NELL1: variants seen among roughly 807,000 people sequenced by gnomAD.
The protein encoded by NELL1 is neural EGFL like 1.
In NELL1, 76 loss-of-function variants were observed where a neutral mutation model predicts 107.4. The ratio of observed to expected loss-of-function variants is 0.71; its 90% CI spans 0.59 to 0.86. NELL1 has a LOEUF of 0.86. Among genes scored for constraint, NELL1 ranks in the 40% least tolerant of loss-of-function variants. The pLI is 0.00. For synonymous variants in NELL1, 353 were observed against 341.2 expected (o/e 1.03, Z -0.38); for missense variants, 1,024 against 1,005.5 (o/e 1.02, Z -0.25).
intron 13 of NELL1, among the ~76,000 whole-genome samples, chr11:21,171,544 A>G (rs992340089): frequency 6.6e-6 from 1 of 151,694 alleles, no homozygotes; most frequent in Admixed American, 6.6e-5. Flanking sequence ...GATTTTCTCT[A>G]TTTTCGGATA....
intron 14 of NELL1, among the ~76,000 whole-genome samples, chr11:21,367,644 A>G (rs1229255025): frequency 6.6e-6 from 1 of 152,114 alleles, no homozygotes; most frequent in Non-Finnish European, 1.5e-5. Context: ...AGCACATTCC[A>G]TTGGCTGTGC....
chr11:20,840,901 G>A (rs898571571), intron 3 of NELL1, among the ~76,000 whole-genome samples: 2 of 152,182 alleles, frequency 1.3e-5, no homozygotes, highest in African/African-American at 4.8e-5. Context: ...GGTTATCTGT[G>A]ATACACAGGA....
intron 13 of NELL1, among the ~76,000 whole-genome samples, chr11:21,200,787 A>T (rs1186405610): frequency 6.6e-6 from 1 of 152,172 alleles, no homozygotes; most frequent in African/African-American, 2.4e-5. Flanking sequence ...TAAGTCTTTA[A>T]TCCATCTTGA....
intron 12 of NELL1, among the ~76,000 whole-genome samples, chr11:21,000,625 A>G (rs560905055): frequency 3.3e-5 from 5 of 152,328 alleles, no homozygotes; most frequent in East Asian, 1.9e-4. Flanking sequence ...AATGCCTCCA[A>G]TTTATCTCAA....
intron 11 of NELL1, among the ~76,000 whole-genome samples, chr11:20,955,297 A>G (rs1851148268): frequency 6.6e-6 from 1 of 152,194 alleles, no homozygotes; most frequent in Non-Finnish European, 1.5e-5. Flanking sequence ...AACAGGTCAT[A>G]AGTAGTGAGG....
rs146808066 is a variant in NELL1 at position 20,732,773 on chromosome 11, A to G, written c.185-50907A>G. Among the ~76,000 whole-genome samples the G allele has an allele frequency of 8.2e-3, 1,246 of 152,288 alleles. 15 individuals carry two copies. The highest frequency in any genetic ancestry group is 0.029 in the African/African-American group (1,196 of 41,556). ...AAGTTAGGTTAGAGCTTAGCTGTACAAAGTTTTAAGTACCCGGTTTTGGAG... is the reference window on the plus strand; with the variant it reads ...AAGTTAGGTTAGAGCTTAGCTGTACGAAGTTTTAAGTACCCGGTTTTGGAG... On this transcript the variant is annotated intron_variant, in intron 2 of 19. Coordinates refer to ENST00000357134, the MANE Select transcript of NELL1 (RefSeq NM_006157.5).
At chr11:20,759,293 C>T (rs1316533514) in intron 2 of NELL1, among the ~76,000 whole-genome samples, 1 of 152,188 alleles carries the variant, frequency 6.6e-6, no homozygotes, top group East Asian at 1.9e-4. Context: ...CTTGGCTCAA[C>T]ACTCTCCTAT....
chr11:20,725,844 C>G (rs1325086369), intron 2 of NELL1, among the ~76,000 whole-genome samples: 3 of 152,234 alleles, frequency 2.0e-5, no homozygotes, highest in Admixed American at 6.5e-5. Context: ...TATGAATGAT[C>G]CCATCATCCA....
At chr11:20,919,634 G>A (rs1275019371) in intron 7 of NELL1, among the ~76,000 whole-genome samples, 1 of 152,026 alleles carries the variant, frequency 6.6e-6, no homozygotes, top group African/African-American at 2.4e-5. Context: ...TATTAAAGTA[G>A]TAACACTGTA....
chr11:21,031,423 C>T lies in NELL1; in HGVS notation c.1300+70863C>T, dbSNP rs117129677. Among the ~76,000 whole-genome samples the T allele has an allele frequency of 1.5e-3, 231 of 152,258 alleles. 6 individuals are homozygous for T. The East Asian group carries it at 0.037, about 25-fold the overall frequency. ...TTTATTGACAGATGCAAGGTAGCAGCATTGTGCACTGTAAGAAATTGTATC... is the reference window on the plus strand; with the variant it reads ...TTTATTGACAGATGCAAGGTAGCAGTATTGTGCACTGTAAGAAATTGTATC... On this transcript the variant is annotated intron_variant, in intron 12 of 19. Transcript: ENST00000357134.
chr11:20,869,999 T>C (rs1849166519), intron 4 of NELL1, among the ~76,000 whole-genome samples: 1 of 152,112 alleles, frequency 6.6e-6, no homozygotes, highest in African/African-American at 2.4e-5. Flanking sequence ...GCTGGATCAA[T>C]GGAAAGATGT....
chr11:21,232,810 G>A (rs1442985745), intron 14 of NELL1, among the ~76,000 whole-genome samples: 1 of 151,976 alleles, frequency 6.6e-6, no homozygotes, highest in Non-Finnish European at 1.5e-5. Context: ...GCCCCACCAT[G>A]CCCAGCTAAT....
intron 15 of NELL1, among the ~76,000 whole-genome samples, chr11:21,527,196 A>G (rs570321515): frequency 2.2e-3 from 334 of 152,220 alleles, no homozygotes; most frequent in African/African-American, 7.8e-3. Flanking sequence ...AGCAAAAGTG[A>G]CCTTTAATCC....
chr11:21,491,272 C>T (rs1222053504), intron 15 of NELL1, among the ~76,000 whole-genome samples: 3 of 152,120 alleles, frequency 2.0e-5, no homozygotes, highest in Non-Finnish European at 2.9e-5. Flanking sequence ...AGTCCTTGCC[C>T]ATGCCTATGT....
intron 3 of NELL1, among the ~76,000 whole-genome samples, chr11:20,838,962 C>T (rs1220698994): frequency 4.6e-5 from 7 of 152,154 alleles, no homozygotes; most frequent in Admixed American, 1.3e-4. Context: ...GTGCCTTCGG[C>T]TTGGTTGCTT....
intron 2 of NELL1, among the ~76,000 whole-genome samples, chr11:20,737,497 C>A (rs1855789251): frequency 6.6e-6 from 1 of 151,930 alleles, no homozygotes; most frequent in Non-Finnish European, 1.5e-5. Flanking sequence ...GAATGTGACC[C>A]TGAGTCAGTT....
In NELL1 at chr11:20,800,470, T is replaced by C. The variant is rs190368825; in HGVS notation, c.335+16640T>C. 1.3e-3 allele frequency among the ~76,000 whole-genome samples: 201 copies of C among 151,772 alleles called. 1 individual carries two copies. The highest frequency in any genetic ancestry group is 4.7e-3 in the African/African-American group (196 of 41,528). ...ATTAGTGATGTTGACTTTTAATATA[T>C]ATTTGTTGGCTGCTTGTATGTCTTC... On this transcript the variant is annotated intron_variant, in intron 3 of 19. Coordinates refer to ENST00000357134, the MANE Select transcript of NELL1 (RefSeq NM_006157.5).
intron 2 of NELL1, among the ~76,000 whole-genome samples, chr11:20,762,659 G>A (rs1856447537): frequency 1.3e-5 from 2 of 152,176 alleles, no homozygotes; most frequent in East Asian, 3.9e-4. Flanking sequence ...GTGAATAAGA[G>A]CGTAATTAAG....
At chr11:21,199,326 C>CTAGTTAGAAAA (rs1857217055) in intron 13 of NELL1, among the ~76,000 whole-genome samples, 1 of 152,092 alleles carries the variant, frequency 6.6e-6, no homozygotes, top group Admixed American at 6.6e-5. Flanking sequence ...GGTAGTCAAC[C>CTAGTTAGAAAA]AAGACAGAGT....
Sources: allele counts gnomAD v4.1 joint callset (sites outside exome capture counted in the v4.1 genomes callset), GRCh38; gene constraint gnomAD v4.1.1; transcripts MANE v1.5; gene names NCBI Gene and HGNC (gene_info 2026-07-23, HGNC 2026-07-21).